Variants in TMEM44 observed in about 807,000 individuals in gnomAD.
TMEM44 encodes the protein transmembrane protein 44.
TMEM44 carries 43 observed loss-of-function variants against 47.8 expected under a neutral mutation model. That is an observed-to-expected ratio of 0.90 (90% CI 0.70 to 1.16). The LOEUF (loss-of-function observed/expected upper bound fraction) is 1.16. Ranked by LOEUF, TMEM44 falls within the 50% of genes most tolerant of loss-of-function variation. TMEM44 has a pLI of 0.00. For synonymous variants in TMEM44, 277 were observed against 238.8 expected, an observed-to-expected ratio of 1.16 and a Z score of -1.48; for missense variants, 568 against 555.2, an observed-to-expected ratio of 1.02 and a Z score of -0.23.
chr3:194,611,621 G>A lies in TMEM44; in HGVS notation c.913-601C>T, dbSNP rs1439570902. On this transcript the variant is annotated intron_variant, in intron 7 of 9. Transcript: ENST00000347147. This position sits in a 1 kb window ranked among gnomAD's most constrained non-coding sequence, Gnocchi z 4.2. ...AACGCGCCCCAGATGATTCTAACGTGCGGCCAAGTTTGCGAACCACTGCAA... is the reference window on the plus strand; with the variant it reads ...AACGCGCCCCAGATGATTCTAACGTACGGCCAAGTTTGCGAACCACTGCAA... 1.3e-5 allele frequency among the ~76,000 whole-genome samples: 2 copies of A among 152,200 alleles called. No individual in the cohort carries two copies. The highest frequency in any genetic ancestry group is 2.9e-5 in the Non-Finnish European group (2 of 68,042).
intron 8 of TMEM44, among the ~76,000 whole-genome samples, chr3:194,609,004 A>C (rs1357259944): frequency 6.6e-6 from 1 of 152,206 alleles, no homozygotes; most frequent in East Asian, 1.9e-4. Flanking sequence ...TTAAATAAGG[A>C]AGCATTTACA....
At chr3:194,613,143 G>A (rs1773160) in intron 7 of TMEM44, among the ~76,000 whole-genome samples, 131,777 of 152,170 alleles carry the variant, frequency 0.87, 57,254 homozygotes, top group South Asian at 0.92. Context: ...GTTTGATATT[G>A]CTGTAAACAA....
intron 5 of TMEM44, chr3:194,617,695 G>A (rs58679389): frequency 1.4e-6 from 1 of 703,970 alleles, no homozygotes; most frequent in South Asian, 1.5e-5. Flanking sequence ...CTGGGAGAAC[G>A]TGAGGGAGAC....
chr3:194,598,310 T>G (rs552900223), intron 9 of TMEM44, among the ~76,000 whole-genome samples: 5 of 152,132 alleles, frequency 3.3e-5, no homozygotes, highest in African/African-American at 1.2e-4. Context: ...ACAGCTGGAG[T>G]GAAAAGACAC....
chr3:194,616,478 T>A, intron 6 of TMEM44: 1 of 434,082 alleles, frequency 2.3e-6, no homozygotes, highest in Middle Eastern at 3.4e-4. Flanking sequence ...CACACGAAGA[T>A]ACACAAAGGG....
At chr3:194,596,880 T>C (rs570352363) in intron 9 of TMEM44, 7 of 152,210 alleles carry the variant, frequency 4.6e-5, no homozygotes, top group Non-Finnish European at 8.8e-5. Context: ...GATTTGGCTT[T>C]AAAAAGGGCA....
At chr3:194,624,906 G>C (rs1412058170) in intron 3 of TMEM44, among the ~76,000 whole-genome samples, 7 of 151,816 alleles carry the variant, frequency 4.6e-5, no homozygotes, top group Admixed American at 2.6e-4. Context: ...AGTAGAGACA[G>C]GGTTTCACCA....
At chr3:194,630,614 G>A (rs1717699541) in intron 1 of TMEM44, among the ~76,000 whole-genome samples, 3 of 103,286 alleles carry the variant, frequency 2.9e-5, no homozygotes, top group African/African-American at 1.4e-4. Context: ...TTCCATCGGC[G>A]TCACTGATAG....
At chr3:194,604,549 G>C in intron 8 of TMEM44, 104 bp from the exon 9 acceptor site, 1 of 1,390,322 alleles carries the variant, frequency 7.2e-7, no homozygotes, top group Admixed American at 2.9e-5. Context: ...GTACAAAAGG[G>C]TGTGCAGGGC....
At chr3:194,612,392 G>A (rs113137186) in intron 7 of TMEM44, among the ~76,000 whole-genome samples, 43 of 152,250 alleles carry the variant, frequency 2.8e-4, no homozygotes, top group African/African-American at 9.6e-4. Context: ...TTTCCTCTGC[G>A]TCACATACAC....
rs3732473 is a variant in TMEM44, at chr3:194,588,481, G to A, written c.*48C>T. On this transcript the variant is annotated 3_prime_UTR_variant, in exon 10 of 10. Coordinates refer to ENST00000347147, the MANE Select transcript of TMEM44 (RefSeq NM_001011655.3). ...ATTGATTCCCGCTGCGTTACTGAAC[G>A]AACTCCTGACCCTGGGCTCTGAGCT... 0.13 allele frequency: 205,356 copies of A among 1,557,650 alleles called. 15,021 individuals carry two copies. The highest frequency in any genetic ancestry group is 0.24 in the South Asian group (21,337 of 89,764).
intron 7 of TMEM44, among the ~76,000 whole-genome samples, chr3:194,612,775 C>T (rs1715460035): frequency 6.6e-6 from 1 of 152,062 alleles, no homozygotes; most frequent in Admixed American, 6.5e-5. Flanking sequence ...CGCCATTCTC[C>T]TGCCTCAGCC....
intron 5 of TMEM44, among the ~76,000 whole-genome samples, chr3:194,620,598 G>A (rs790003): frequency 0.35 from 53,489 of 152,074 alleles, 10,270 homozygotes; most frequent in Non-Finnish European, 0.45. Flanking sequence ...GGAAAATAAA[G>A]GGGCACATTT....
intron 9 of TMEM44, among the ~76,000 whole-genome samples, chr3:194,594,707 T>C (rs1713188188): frequency 6.6e-6 from 1 of 150,400 alleles, no homozygotes; most frequent in Non-Finnish European, 1.5e-5. Context: ...GAAATGCCGA[T>C]GATATAAAGG....
At position 194,615,657 on chromosome 3, in the gene TMEM44, T is replaced by C. The variant is rs1207918951; in HGVS notation, c.824A>G (p.Gln275Arg). 6.2e-7 allele frequency: 1 copy of C among 1,614,026 alleles called. No homozygotes were observed. Among genetic ancestry groups the C allele is most frequent in the East Asian group, 2.2e-5 (1 of 44,892 alleles). The change falls in exon 7 of 10, where the codon CAG becomes CGG. Residue 275 changes from glutamine to arginine, a missense_variant. Coordinates refer to ENST00000347147, the MANE Select transcript of TMEM44 (RefSeq NM_001011655.3). ...LSCVMKSKMRQALGFAKEARE... is the reference protein window; with the variant it reads ...LSCVMKSKMRRALGFAKEARE... ...GGCTTCCTTGGCAAATCCTAAGGCC[T>C]GTCTCATCTTGCTCTTCATCACACA...
chr3:194,590,670 G>A (rs1035306327), intron 9 of TMEM44, among the ~76,000 whole-genome samples: 10 of 152,156 alleles, frequency 6.6e-5, no homozygotes, highest in Non-Finnish European at 1.3e-4. Flanking sequence ...GAAGCACCCA[G>A]GCTGCTGGCT....
rs200964048 is a variant in TMEM44, at chr3:194,601,145, G to GTTTTTTTTT, written c.1176+3141_1176+3142insAAAAAAAAA. On this transcript the variant is annotated intron_variant, in intron 9 of 9. Coordinates refer to ENST00000347147, the MANE Select transcript of TMEM44 (RefSeq NM_001011655.3). ...GACCCTGTCTTCTTGGAATTTACTT[G>GTTTTTTTTT]TTTGTTTTTTTTTTTTGAGGTGGAG... Among the ~76,000 whole-genome samples the GTTTTTTTTT allele has an allele frequency of 2.1e-5, 3 of 144,396 alleles. 1 individual carries two copies. The highest frequency in any genetic ancestry group is 4.5e-5 in the Non-Finnish European group (3 of 66,328). 94.7% of individuals were successfully genotyped at this position (144,396 alleles called of 152,430 possible).
chr3:194,588,463 C>A lies in TMEM44; in HGVS notation c.*66G>T. The A allele has an allele frequency of 7.0e-7, 1 of 1,429,776 alleles. No individual in the cohort carries two copies. The highest frequency in any genetic ancestry group is 1.2e-5 in the South Asian group (1 of 85,958). 88.6% of individuals were successfully genotyped at this position (1,429,776 alleles called of 1,614,324 possible). A position where few individuals can be genotyped will look rare whatever the true frequency, so the allele number is the denominator to read the frequency against. ...GCCGCGGTGTCAGTGCAGATTGATT[C>A]CCGCTGCGTTACTGAACGAACTCCT... On this transcript the variant is annotated 3_prime_UTR_variant, in exon 10 of 10. Transcript: ENST00000347147.
chr3:194,616,058 CT>C (rs1226008321), intron 6 of TMEM44, among the ~76,000 whole-genome samples: 2,446 of 147,608 alleles, frequency 0.017, 53 homozygotes, highest in African/African-American at 0.056. Context: ...ATGTGACCCC[CT>C]TTTTTTTTTT....
Sources: allele counts gnomAD v4.1 joint callset (sites outside exome capture counted in the v4.1 genomes callset), GRCh38; gene constraint gnomAD v4.1.1; non-coding constraint Gnocchi (gnomAD v3.1); transcripts MANE v1.5; gene names NCBI Gene and HGNC (gene_info 2026-07-23, HGNC 2026-07-21).